SLC35F1: variants seen among roughly 807,000 people sequenced by gnomAD.
SLC35F1 encodes chromosome 6 open reading frame 169.
SLC35F1 carries 14 observed loss-of-function variants against 48.7 expected under a neutral mutation model. That is an observed-to-expected ratio of 0.29 (90% confidence interval 0.19 to 0.45). SLC35F1 has a LOEUF of 0.45. SLC35F1 is among the 20% of genes least tolerant of loss of function. The pLI, the probability that SLC35F1 is intolerant of heterozygous loss-of-function variation, is 1.00. For synonymous variants in SLC35F1, 190 were observed against 202.2 expected (o/e 0.94, Z 0.51); for missense variants, 404 against 500.0 (o/e 0.81, Z 1.83).
intron 1 of SLC35F1, among the ~76,000 whole-genome samples, chr6:117,923,638 C>CATATTATACGT (rs1562238569): frequency 2.0e-5 from 1 of 50,950 alleles, no homozygotes; most frequent in African/African-American, 7.5e-5. Context: ...CATATATGTA[C>CATATTATACGT]ATATGTACAT....
chr6:118,199,700 A>T (rs1396782277), intron 2 of SLC35F1, among the ~76,000 whole-genome samples: 1 of 152,188 alleles, frequency 6.6e-6, no homozygotes, highest in Non-Finnish European at 1.5e-5. Flanking sequence ...GTCTACAGGG[A>T]AATAATCAAT....
intron 1 of SLC35F1, among the ~76,000 whole-genome samples, chr6:117,951,268 G>A (rs1211757784): frequency 6.6e-6 from 1 of 152,124 alleles, no homozygotes; most frequent in Non-Finnish European, 1.5e-5. Context: ...GCTTTTACAG[G>A]AAGAAAAACA....
intron 1 of SLC35F1, among the ~76,000 whole-genome samples, chr6:117,938,451 C>T (rs767756246): frequency 6.6e-6 from 1 of 152,240 alleles, no homozygotes; most frequent in Non-Finnish European, 1.5e-5. Context: ...TTGCCTCACA[C>T]ACCTCACAAG....
chr6:118,003,449 T>C (rs1777132663), intron 1 of SLC35F1, among the ~76,000 whole-genome samples: 1 of 152,196 alleles, frequency 6.6e-6, no homozygotes, highest in Non-Finnish European at 1.5e-5. Context: ...GCTGTGGTCT[T>C]CGGATGGGTC....
At chr6:118,191,602 T>G (rs1562320517) in intron 2 of SLC35F1, among the ~76,000 whole-genome samples, 1 of 152,170 alleles carries the variant, frequency 6.6e-6, no homozygotes, top group African/African-American at 2.4e-5. Context: ...GCAGTGTGGA[T>G]AGCAAGGGCA....
At chr6:117,986,587 A>T (rs765738232) in intron 1 of SLC35F1, among the ~76,000 whole-genome samples, 5 of 152,130 alleles carry the variant, frequency 3.3e-5, no homozygotes, top group African/African-American at 4.8e-5. Flanking sequence ...CCTGTTCCGG[A>T]TCACCTCTTC....
chr6:118,155,969 A>T (rs1317894364), intron 2 of SLC35F1, among the ~76,000 whole-genome samples: 1 of 152,214 alleles, frequency 6.6e-6, no homozygotes, highest in Admixed American at 6.5e-5. Context: ...ACTTCATCTC[A>T]TAGGAGGAAT....
intron 1 of SLC35F1, among the ~76,000 whole-genome samples, chr6:118,044,554 T>A (rs1772272856): frequency 6.6e-6 from 1 of 152,160 alleles, no homozygotes; most frequent in Admixed American, 6.5e-5. Context: ...TGGCAGTATT[T>A]CTGTTTTTTC....
intron 2 of SLC35F1, among the ~76,000 whole-genome samples, chr6:118,211,290 T>C (rs935006421): frequency 6.6e-6 from 1 of 152,188 alleles, no homozygotes; most frequent in Non-Finnish European, 1.5e-5. Context: ...AAACTTCCAT[T>C]GTCTTTTTTG....
At chr6:118,043,722 A>G (rs908044534) in intron 1 of SLC35F1, among the ~76,000 whole-genome samples, 2 of 152,224 alleles carry the variant, frequency 1.3e-5, no homozygotes, top group African/African-American at 4.8e-5. Context: ...TTCTACAAGT[A>G]CTTTAAATGT....
At chr6:118,069,387 A>G (rs1772665578) in intron 1 of SLC35F1, among the ~76,000 whole-genome samples, 1 of 152,196 alleles carries the variant, frequency 6.6e-6, no homozygotes, top group African/African-American at 2.4e-5. Context: ...TTTTGATCTA[A>G]AGACCAGTAT....
chr6:117,977,277 A>G (rs1776718202), intron 1 of SLC35F1, among the ~76,000 whole-genome samples: 1 of 151,050 alleles, frequency 6.6e-6, no homozygotes. Context: ...GCCCACTGCA[A>G]CCTCTGCCTC....
intron 7 of SLC35F1, among the ~76,000 whole-genome samples, chr6:118,309,865 A>G (rs779638277): frequency 3.4e-4 from 51 of 152,204 alleles, no homozygotes; most frequent in Non-Finnish European, 6.3e-4. Flanking sequence ...CAGGCTTATT[A>G]TCCATCCTCC....
At chr6:118,217,627 G>A (rs568644546) in intron 2 of SLC35F1, among the ~76,000 whole-genome samples, 46 of 152,156 alleles carry the variant, frequency 3.0e-4, no homozygotes, top group Admixed American at 1.4e-3. Context: ...TAAATGTTAC[G>A]CTGTGTATAT....
intron 2 of SLC35F1, among the ~76,000 whole-genome samples, chr6:118,166,319 T>G (rs999362841): frequency 8.5e-5 from 13 of 152,118 alleles, no homozygotes; most frequent in Admixed American, 7.9e-4. Context: ...GCTCAGCCAT[T>G]GCTGAGCTGG....
chr6:118,226,775 T>C (rs542612195), intron 2 of SLC35F1, among the ~76,000 whole-genome samples: 1 of 152,304 alleles, frequency 6.6e-6, no homozygotes, highest in East Asian at 1.9e-4. Flanking sequence ...TAAGACCTGT[T>C]GTTTGATAGC....
chr6:118,141,279 A>G (rs539516929), intron 1 of SLC35F1, among the ~76,000 whole-genome samples: 5 of 152,280 alleles, frequency 3.3e-5, no homozygotes, highest in African/African-American at 1.2e-4. Context: ...AATACTTACC[A>G]TTGTGTTACA....
intron 2 of SLC35F1, among the ~76,000 whole-genome samples, chr6:118,190,829 ACT>A (rs1233324081): frequency 6.6e-6 from 1 of 151,922 alleles, no homozygotes; most frequent in Non-Finnish European, 1.5e-5. Flanking sequence ...TTAACTAAGC[ACT>A]CTTTTTGTTA....
chr6:118,159,085 G>C (rs1030586205), intron 2 of SLC35F1, among the ~76,000 whole-genome samples: 1 of 151,916 alleles, frequency 6.6e-6, no homozygotes, highest in African/African-American at 2.4e-5. Context: ...GCTGGGCGTG[G>C]TGGCAGGCGC....
Sources: gnomAD v4.1 joint callset for allele counts (sites outside exome capture counted in the v4.1 genomes callset) on GRCh38, gnomAD v4.1.1 for gene constraint, MANE v1.5 for transcripts, NCBI Gene and HGNC (gene_info 2026-07-23, HGNC 2026-07-21) for gene names.